Variants in CENPP observed in about 807,000 individuals in gnomAD.
CENPP encodes the protein centromere protein P.
A neutral mutation model predicts 35.6 loss-of-function variants in CENPP; 24 were observed. That is an observed-to-expected ratio of 0.67 (90% confidence interval 0.49 to 0.95). CENPP has a LOEUF of 0.95. Among genes scored for constraint, CENPP ranks in the 40% least tolerant of loss-of-function variants. The pLI, the probability that CENPP is intolerant of heterozygous loss-of-function variation, is 0.00. For missense variants in CENPP, 332 were observed against 345.3 expected (o/e 0.96, Z 0.31); for synonymous variants, 120 against 125.5 (o/e 0.96, Z 0.29).
At chr9:92,397,236 A>G (rs150347647) in intron 5 of CENPP, among the ~76,000 whole-genome samples, 30 of 152,198 alleles carry the variant, frequency 2.0e-4, no homozygotes, top group African/African-American at 7.0e-4. Flanking sequence ...CTTATTTCCT[A>G]ACATAGCAAG....
At chr9:92,500,593 A>G (rs191625644) in intron 5 of CENPP, 1 of 830,762 alleles carries the variant, frequency 1.2e-6, no homozygotes, top group Non-Finnish European at 1.9e-6. Flanking sequence ...ACATTTGCCA[A>G]TCTTGTTTAA....
chr9:92,560,787 G>T (rs955005421), intron 5 of CENPP, among the ~76,000 whole-genome samples: 1 of 150,948 alleles, frequency 6.6e-6, no homozygotes, highest in Non-Finnish European at 1.5e-5. Context: ...TTCTGCTTCC[G>T]CATTTATGGC....
At chr9:92,611,087 A>T (rs1489149450) in intron 5 of CENPP, 11 of 599,548 alleles carry the variant, frequency 1.8e-5, no homozygotes, top group Non-Finnish European at 3.0e-5. Flanking sequence ...TACAATGTTC[A>T]TGATGGGGAA....
chr9:92,611,330 C>T lies in CENPP; in HGVS notation c.581C>T (p.Ala194Val). 6.2e-7 allele frequency: 1 copy of T among 1,613,732 alleles called. No homozygotes were observed. Among genetic ancestry groups the T allele is most frequent in the Non-Finnish European group, 8.5e-7 (1 of 1,179,948 alleles). ...CCCATGCAGGAAAAGTACCCAGATGCCGTGTACCTCTCGGAGGGGCCCTCC... is the reference window on the plus strand; with the variant it reads ...CCCATGCAGGAAAAGTACCCAGATGTCGTGTACCTCTCGGAGGGGCCCTCC... ...FKHLKEKYPD[A>V]VYLSEGPSSC... The change falls in exon 6 of 8, where the codon GCC becomes GTC. Residue 194 changes from alanine (A) to valine (V), a missense_variant. Ala to Val is a moderately conservative substitution (Grantham distance 64, BLOSUM62 0). Transcript: ENST00000375587.
intron 5 of CENPP, among the ~76,000 whole-genome samples, chr9:92,528,557 A>G (rs1848553836): frequency 6.6e-6 from 1 of 152,100 alleles, no homozygotes; most frequent in Non-Finnish European, 1.5e-5. Context: ...ACAAAGCAAA[A>G]CAAAACAAAA....
intron 5 of CENPP, among the ~76,000 whole-genome samples, chr9:92,435,240 A>G (rs538603391): frequency 6.6e-6 from 1 of 152,268 alleles, no homozygotes; most frequent in East Asian, 1.9e-4. Flanking sequence ...GTTCAGAGTG[A>G]TTAAAAATAC....
At chr9:92,352,505 G>GTATATATATATATATATA (rs1554753078) in intron 4 of CENPP, among the ~76,000 whole-genome samples, 7 of 49,774 alleles carry the variant, frequency 1.4e-4, no homozygotes, top group South Asian at 6.5e-4. Flanking sequence ...GTGTGTGTGT[G>GTATATATATATATATATA]TATACATATA....
At chr9:92,354,736 T>C (rs1841546269) in intron 4 of CENPP, among the ~76,000 whole-genome samples, 2 of 152,218 alleles carry the variant, frequency 1.3e-5, no homozygotes, top group South Asian at 2.1e-4. Context: ...CTGTCCCCTA[T>C]TGGGGGAACC....
chr9:92,589,099 G>A (rs533815855), intron 5 of CENPP, among the ~76,000 whole-genome samples: 24 of 152,002 alleles, frequency 1.6e-4, no homozygotes, highest in African/African-American at 5.6e-4. Flanking sequence ...AGGATGAGGC[G>A]GGCAGATCAC....
At chr9:92,515,611 T>C (rs1847653923) in intron 5 of CENPP, among the ~76,000 whole-genome samples, 2 of 152,324 alleles carry the variant, frequency 1.3e-5, no homozygotes, top group East Asian at 3.9e-4. Flanking sequence ...CTATTGCTAA[T>C]GTGAGAATTT....
At chr9:92,497,449 A>AC (rs1202835632) in intron 5 of CENPP, among the ~76,000 whole-genome samples, 2 of 151,596 alleles carry the variant, frequency 1.3e-5, no homozygotes, top group Admixed American at 1.3e-4. Flanking sequence ...ACATGGAGAA[A>AC]CCCCGTCTCT....
At chr9:92,326,129 C>CA in intron 1 of CENPP, 24 bp downstream of exon 1, 1 of 1,462,260 alleles carries the variant, frequency 6.8e-7, no homozygotes, top group Non-Finnish European at 9.2e-7. Flanking sequence ...CCAAGTCCCC[C>CA]AGGGCCCGCT....
chr9:92,521,179 T>C (rs971349854), intron 5 of CENPP, among the ~76,000 whole-genome samples: 1 of 152,220 alleles, frequency 6.6e-6, no homozygotes, highest in Non-Finnish European at 1.5e-5. Context: ...TTGGAAATAC[T>C]TAGTATATAT....
In CENPP at chr9:92,396,769, A is replaced by G. The variant is rs189311081; in HGVS notation, c.564+16910A>G. On this transcript the variant is annotated intron_variant, in intron 5 of 7. Coordinates refer to ENST00000375587, the MANE Select transcript of CENPP (RefSeq NM_001012267.3). ...TTTTTTGTAGAGACATGGTGTCACT[A>G]TGTTGCCCAAGCTGGTCTCAAACTC... Among the ~76,000 whole-genome samples, 310 of 152,082 alleles carry G rather than the reference A, an allele frequency of 2.0e-3. 2 individuals are homozygous for G. The highest frequency in any genetic ancestry group is 7.0e-3 in the African/African-American group (292 of 41,510).
In CENPP at chr9:92,465,069, G is replaced by A. The variant is rs778356943; in HGVS notation, c.564+85210G>A. The A allele has an allele frequency of 1.0e-5, 14 of 1,341,174 alleles. No individual in the cohort carries two copies. In the East Asian group the frequency reaches 1.4e-4, roughly 13 times the overall value. 83.1% of individuals were successfully genotyped at this position (1,341,174 alleles called of 1,614,324 possible). The stretch of plus-strand genomic sequence containing the variant: ...TGACATGACTTAGCACACATAGGTT[G>A]TATATAAAGGAAACTCACAGTGCAG... On this transcript the variant is annotated intron_variant, in intron 5 of 7. Transcript: ENST00000375587.
intron 6 of CENPP, 111 bp downstream of exon 6, chr9:92,611,504 A>T: frequency 2.5e-6 from 2 of 815,800 alleles, no homozygotes; most frequent in Non-Finnish European, 3.8e-6. Context: ...CAAGAACTAA[A>T]GGTCGTCGGT....
chr9:92,408,714 T>G (rs1368685570), intron 5 of CENPP, among the ~76,000 whole-genome samples: 1 of 152,166 alleles, frequency 6.6e-6, no homozygotes, highest in Non-Finnish European at 1.5e-5. Flanking sequence ...ACCCACTAGA[T>G]GCTAGTAGTT....
intron 5 of CENPP, among the ~76,000 whole-genome samples, chr9:92,461,462 A>G (rs1438882836): frequency 6.6e-6 from 1 of 152,202 alleles, no homozygotes; most frequent in Non-Finnish European, 1.5e-5. Flanking sequence ...AATGTACAAC[A>G]TACTCCCTCC....
At chr9:92,609,343 C>T (rs1350937653) in intron 5 of CENPP, among the ~76,000 whole-genome samples, 1 of 152,244 alleles carries the variant, frequency 6.6e-6, no homozygotes, top group Non-Finnish European at 1.5e-5. Context: ...CCCCACACAA[C>T]CTCATTCAGC....
Sources: gnomAD v4.1 joint callset for allele counts (sites outside exome capture counted in the v4.1 genomes callset) on GRCh38, gnomAD v4.1.1 for gene constraint, MANE v1.5 for transcripts, NCBI Gene and HGNC (gene_info 2026-07-23, HGNC 2026-07-21) for gene names.